Variants in SUCLG2 observed in about 807,000 individuals in gnomAD.
SUCLG2 encodes succinate-CoA ligase GDP-forming subunit beta.
In SUCLG2, 42 loss-of-function variants were observed where a neutral mutation model predicts 47.9. That is an observed-to-expected ratio of 0.88 (90% confidence interval 0.69 to 1.14). SUCLG2 has a LOEUF of 1.14. Ranked by LOEUF, SUCLG2 falls within the 50% of genes most tolerant of loss-of-function variation. SUCLG2 has a pLI of 0.00. For missense variants in SUCLG2, 571 were observed against 525.9 expected (o/e 1.09, Z -0.84); for synonymous variants, 195 against 197.3 (o/e 0.99, Z 0.10).
intron 1 of SUCLG2, 35 bp downstream of exon 1, chr3:67,654,468 C>A (rs1701349572): frequency 2.4e-6 from 3 of 1,228,224 alleles, no homozygotes; most frequent in Non-Finnish European, 3.0e-6. Context: ...GCCGGCGCCG[C>A]TGCTGGCGCC....
chr3:67,410,937 T>C (rs1437393564), intron 9 of SUCLG2, among the ~76,000 whole-genome samples: 1 of 152,204 alleles, frequency 6.6e-6, no homozygotes, highest in East Asian at 1.9e-4. Context: ...TGAGAATATT[T>C]ATTGGCACAT....
At chr3:67,592,201 T>C (rs1451380179) in intron 2 of SUCLG2, among the ~76,000 whole-genome samples, 2 of 152,206 alleles carry the variant, frequency 1.3e-5, no homozygotes, top group Admixed American at 6.5e-5. Flanking sequence ...TCTGGCTTTA[T>C]AGAGGCAGCC....
intron 10 of SUCLG2, among the ~76,000 whole-genome samples, chr3:67,389,790 G>A (rs4856779): frequency 0.21 from 31,952 of 151,894 alleles, 3,859 homozygotes; most frequent in African/African-American, 0.32. Context: ...CATTTTGGAC[G>A]CTTTTAGTGG....
In SUCLG2 at chr3:67,613,210, A is replaced by T. The variant is rs561131624; in HGVS notation, c.85-3614T>A. ...CCCAGAGACTGGGAGGATGGAACCG[A>T]AAGTCCCAACCCTCTAATTATGCTA... On this transcript the variant is annotated intron_variant, in intron 1 of 10. Coordinates refer to ENST00000307227, the MANE Select transcript of SUCLG2 (RefSeq NM_003848.4). Among the ~76,000 whole-genome samples the T allele has an allele frequency of 2.0e-5, 3 of 152,298 alleles. No homozygotes were observed. In the East Asian group the frequency reaches 5.8e-4, roughly 29 times the overall value.
intron 9 of SUCLG2, among the ~76,000 whole-genome samples, chr3:67,451,583 C>T (rs1704057943): frequency 6.6e-6 from 1 of 151,948 alleles, no homozygotes; most frequent in Admixed American, 6.6e-5. Flanking sequence ...AGTTCTTCAG[C>T]TCAATCATCA....
intron 10 of SUCLG2, among the ~76,000 whole-genome samples, chr3:67,396,452 C>A (rs1339270234): frequency 6.6e-6 from 1 of 152,140 alleles, no homozygotes; most frequent in Admixed American, 6.5e-5. Flanking sequence ...GACACATACA[C>A]CCTCCCAAGA....
intron 9 of SUCLG2, among the ~76,000 whole-genome samples, chr3:67,481,155 A>T (rs1428189373): frequency 3.9e-5 from 6 of 152,248 alleles, no homozygotes. Flanking sequence ...AATAATGCAA[A>T]TTACTAAAAA....
At chr3:67,576,924 AT>A (rs34235132) in intron 2 of SUCLG2, among the ~76,000 whole-genome samples, 1 of 151,268 alleles carries the variant, frequency 6.6e-6, no homozygotes, top group African/African-American at 2.4e-5. Flanking sequence ...TTTTTATTTT[AT>A]TTTTTTTTAC....
intron 1 of SUCLG2, among the ~76,000 whole-genome samples, chr3:67,640,452 C>T (rs1366662452): frequency 6.6e-6 from 1 of 152,174 alleles, no homozygotes; most frequent in African/African-American, 2.4e-5. Flanking sequence ...TCTCTGCATA[C>T]CATCTGCCTG....
At chr3:67,374,501 T>C (rs1009690684), downstream of SUCLG2, among the ~76,000 whole-genome samples, 2 of 152,160 alleles carry the variant, frequency 1.3e-5, no homozygotes, top group African/African-American at 2.4e-5. Context: ...CTGAGATACA[T>C]TCCTGGGGTT....
intron 9 of SUCLG2, among the ~76,000 whole-genome samples, chr3:67,470,588 T>C (rs1704581049): frequency 6.6e-6 from 1 of 152,200 alleles, no homozygotes; most frequent in South Asian, 2.1e-4. Context: ...GATAAAAAGA[T>C]AAGTTCAGCC....
At chr3:67,627,657 C>T in intron 1 of SUCLG2, among the ~76,000 whole-genome samples, 1 of 152,244 alleles carries the variant, frequency 6.6e-6, no homozygotes, top group East Asian at 1.9e-4. Flanking sequence ...TATAGGGAGA[C>T]TAAAGGGCTG....
At chr3:67,625,557 TGAG>T (rs960421631) in intron 1 of SUCLG2, among the ~76,000 whole-genome samples, 26 of 152,158 alleles carry the variant, frequency 1.7e-4, no homozygotes, top group African/African-American at 5.6e-4. Flanking sequence ...TCTCTTCTCT[TGAG>T]GACCTTTGCC....
chr3:67,617,220 C>A (rs1393046041), intron 1 of SUCLG2, among the ~76,000 whole-genome samples: 2 of 152,130 alleles, frequency 1.3e-5, no homozygotes, highest in African/African-American at 4.8e-5. Context: ...TTTAACTGTG[C>A]CATCCGGTAA....
At chr3:67,395,583 C>A (rs148539621) in intron 10 of SUCLG2, among the ~76,000 whole-genome samples, 6,130 of 152,282 alleles carry the variant, frequency 0.04, 219 homozygotes, top group South Asian at 0.16. Context: ...GAGACTTTAA[C>A]ACCTCACTGT....
At chr3:67,398,566 G>A (rs2106808680) in intron 10 of SUCLG2, among the ~76,000 whole-genome samples, 1 of 152,064 alleles carries the variant, frequency 6.6e-6, no homozygotes, top group African/African-American at 2.4e-5. Flanking sequence ...CTTTTACACT[G>A]TTGGTGGGAC....
chr3:67,641,290 G>A (rs965918558), intron 1 of SUCLG2, among the ~76,000 whole-genome samples: 8 of 152,238 alleles, frequency 5.3e-5, no homozygotes, highest in African/African-American at 1.4e-4. Context: ...GTTTTAGTTG[G>A]AAAACAAGTG....
At chr3:67,557,873 A>T (rs1169945481) in intron 2 of SUCLG2, among the ~76,000 whole-genome samples, 1 of 152,198 alleles carries the variant, frequency 6.6e-6, no homozygotes, top group Non-Finnish European at 1.5e-5. Flanking sequence ...TGATTCTACC[A>T]AGAGTGACCT....
intron 9 of SUCLG2, among the ~76,000 whole-genome samples, chr3:67,438,500 C>G (rs1016895155): frequency 1.3e-5 from 2 of 151,230 alleles, no homozygotes; most frequent in Non-Finnish European, 2.9e-5. Context: ...GCTGGCCAGA[C>G]TAATAAAGAA....
Sources: gnomAD v4.1 joint callset for allele counts (sites outside exome capture counted in the v4.1 genomes callset) on GRCh38, gnomAD v4.1.1 for gene constraint, MANE v1.5 for transcripts, NCBI Gene and HGNC (gene_info 2026-07-23, HGNC 2026-07-21) for gene names.